WIPI2: variants seen among roughly 807,000 people sequenced by gnomAD.
WIPI2 encodes WD repeat domain phosphoinositide-interacting protein 2.
In WIPI2, 28 loss-of-function variants were observed where a neutral mutation model predicts 52.3. That is an observed-to-expected ratio of 0.54 (90% CI 0.40 to 0.73). WIPI2 has a LOEUF of 0.73. Ranked by LOEUF, WIPI2 falls within the 30% of genes least tolerant of loss-of-function variation. WIPI2 has a pLI of 0.00. For missense variants in WIPI2, 506 were observed against 602.9 expected (o/e 0.84, Z 1.68); for synonymous variants, 268 against 245.0 (o/e 1.09, Z -0.88).
rs10273014 is a variant in WIPI2 at position 5,220,357 on chromosome 7, C to T, written c.670-2245C>T. On this transcript the variant is annotated intron_variant, in intron 7 of 12. Coordinates refer to ENST00000288828, the MANE Select transcript of WIPI2 (RefSeq NM_015610.4). Reference sequence around the variant, plus strand: ...TCCCAGGTTCAAGCAGTTCTCCTGCCGCAGCCTCCTGAGTAGCTGAGATTA... The same window carrying T: ...TCCCAGGTTCAAGCAGTTCTCCTGCTGCAGCCTCCTGAGTAGCTGAGATTA... 3.4e-3 allele frequency among the ~76,000 whole-genome samples: 520 copies of T among 151,886 alleles called. 6 individuals are homozygous for T. The highest frequency in any genetic ancestry group is 0.012 in the African/African-American group (485 of 41,410).
intron 3 of WIPI2, among the ~76,000 whole-genome samples, chr7:5,212,809 CATCT>C (rs1422199230): frequency 1.3e-5 from 2 of 152,280 alleles, no homozygotes. Flanking sequence ...CGAAGCACCG[CATCT>C]GGCCCCAGCC....
chr7:5,193,863 C>T (rs556292221), intron 2 of WIPI2, among the ~76,000 whole-genome samples: 173 of 152,306 alleles, frequency 1.1e-3, no homozygotes, highest in Non-Finnish European at 1.6e-3. Context: ...AGGTGTGAGC[C>T]GTTGTGCCCG....
chr7:5,209,602 C>G (rs1782455277), intron 3 of WIPI2, among the ~76,000 whole-genome samples: 1 of 152,220 alleles, frequency 6.6e-6, no homozygotes, highest in African/African-American at 2.4e-5. Flanking sequence ...TGGCGACTTG[C>G]TCTTTGAGAT....
chr7:5,193,001 T>C, intron 1 of WIPI2, 117 bp from the exon 2 acceptor site: 1 of 935,312 alleles, frequency 1.1e-6, no homozygotes, highest in Non-Finnish European at 1.7e-6. Context: ...TGCCTTTCTT[T>C]ACTGGTAATA....
chr7:5,210,996 G>A (rs559829649), intron 3 of WIPI2, among the ~76,000 whole-genome samples: 2 of 152,278 alleles, frequency 1.3e-5, no homozygotes, highest in East Asian at 3.9e-4. Flanking sequence ...GATACTCGAC[G>A]ACACTCAGCA....
chr7:5,217,637 C>T (rs1374286751), intron 6 of WIPI2: 5 of 452,594 alleles, frequency 1.1e-5, no homozygotes, highest in Non-Finnish European at 2.0e-5. Context: ...CTGGCTCATT[C>T]TGCTTCTGGA....
chr7:5,222,448 C>CA (rs930066924), intron 7 of WIPI2, among the ~76,000 whole-genome samples, 154 bp from the exon 8 acceptor site: 1 of 152,122 alleles, frequency 6.6e-6, no homozygotes, highest in African/African-American at 2.4e-5. Context: ...AGATGATGTT[C>CA]AAGGGGGGCC....
chr7:5,205,212 G>A (rs545535620), intron 3 of WIPI2, among the ~76,000 whole-genome samples: 2 of 152,306 alleles, frequency 1.3e-5, no homozygotes, highest in South Asian at 2.1e-4. Context: ...CTGACCTCAG[G>A]TTATCCATCC....
rs536792082 is a variant in WIPI2 at position 5,206,299 on chromosome 7, T to C, written c.211+6641T>C. 9.0e-4 allele frequency among the ~76,000 whole-genome samples: 137 copies of C among 152,338 alleles called. 1 individual carries two copies. Among genetic ancestry groups the C allele is most frequent in the African/African-American group, 3.3e-3 (136 of 41,578 alleles). ...CTTACTTATGTAGAGGGGCTTACTC[T>C]GAAGCATTTAGGGTGAATGTCAGAA... On this transcript the variant is annotated intron_variant, in intron 3 of 12. Coordinates refer to ENST00000288828, the MANE Select transcript of WIPI2 (RefSeq NM_015610.4).
chr7:5,210,863 C>T (rs950265705), intron 3 of WIPI2, among the ~76,000 whole-genome samples: 4 of 152,118 alleles, frequency 2.6e-5, no homozygotes, highest in African/African-American at 4.8e-5. Context: ...GCTTCCCTGC[C>T]TCAAGACATG....
At chr7:5,224,558 C>A (rs898341986) in intron 8 of WIPI2, among the ~76,000 whole-genome samples, 1 of 152,156 alleles carries the variant, frequency 6.6e-6, no homozygotes, top group Non-Finnish European at 1.5e-5. Context: ...ATTCAGGGAG[C>A]AGAGTTTTTA....
intron 4 of WIPI2, among the ~76,000 whole-genome samples, chr7:5,215,127 A>G (rs1053861073): frequency 6.6e-6 from 1 of 152,244 alleles, no homozygotes; most frequent in Non-Finnish European, 1.5e-5. Context: ...CCTGGCCAAC[A>G]TGATGAAACC....
intron 3 of WIPI2, among the ~76,000 whole-genome samples, chr7:5,204,780 C>T (rs1453508962): frequency 6.6e-6 from 1 of 152,132 alleles, no homozygotes; most frequent in Admixed American, 6.5e-5. Flanking sequence ...ACCTCCCGGG[C>T]TCAAGTGATC....
In WIPI2 at chr7:5,231,798, A is replaced by G. The variant is rs1221565172; in HGVS notation, c.*851A>G. 5.4e-6 allele frequency: 1 copy of G among 185,400 alleles called. No individual in the cohort carries two copies. Among genetic ancestry groups the G allele is most frequent in the Non-Finnish European group, 1.1e-5 (1 of 90,464 alleles). The allele number at this position is 185,400 out of a possible 1,614,324, so 11.5% of individuals were successfully genotyped here. A position where few individuals can be genotyped will look rare whatever the true frequency, so the allele number is the denominator to read the frequency against. On this transcript the variant is annotated 3_prime_UTR_variant, in exon 13 of 13. Transcript: ENST00000288828. ...TTTGTAGCTCCTCCCATGCCCAGGA[A>G]AGCACAGAACTCAAGTGTGGTGGCC...
chr7:5,222,016 C>G (rs765480877), intron 7 of WIPI2, among the ~76,000 whole-genome samples: 1 of 148,242 alleles, frequency 6.7e-6, no homozygotes, highest in Non-Finnish European at 1.5e-5. Flanking sequence ...GTGGTGCAGT[C>G]TCGGCTCACT....
At chr7:5,207,318 T>A (rs1485641107) in intron 3 of WIPI2, among the ~76,000 whole-genome samples, 1 of 152,220 alleles carries the variant, frequency 6.6e-6, no homozygotes, top group African/African-American at 2.4e-5. Context: ...CAGTCTCAGC[T>A]CCCTTCTGCC....
chr7:5,204,948 C>A (rs547490348), intron 3 of WIPI2, among the ~76,000 whole-genome samples: 1 of 152,034 alleles, frequency 6.6e-6, no homozygotes, highest in African/African-American at 2.4e-5. Flanking sequence ...AGTGCTGGGC[C>A]TACAGGTGTG....
chr7:5,221,202 A>AT (rs1282829571), intron 7 of WIPI2, among the ~76,000 whole-genome samples: 1 of 151,880 alleles, frequency 6.6e-6, no homozygotes, highest in Non-Finnish European at 1.5e-5. Context: ...ACCTCAGGTG[A>AT]CCACTCACCT....
chr7:5,226,526 A>T (rs4072666), intron 9 of WIPI2: 52,910 of 152,614 alleles, frequency 0.35, 9,169 homozygotes, highest in East Asian at 0.4. Context: ...GCTAATTTTT[A>T]AAATTTTGTA....
Sources: allele counts gnomAD v4.1 joint callset (sites outside exome capture counted in the v4.1 genomes callset), GRCh38; gene constraint gnomAD v4.1.1; transcripts MANE v1.5; gene names NCBI Gene and HGNC (gene_info 2026-07-23, HGNC 2026-07-21).